Variants in ADAMTSL3 observed in about 807,000 individuals in gnomAD.
The protein encoded by ADAMTSL3 is ADAMTS-like protein 3.
ADAMTSL3 carries 128 observed loss-of-function variants against 201.7 expected under a neutral mutation model. The ratio of observed to expected loss-of-function variants is 0.63; its 90% CI spans 0.55 to 0.73. The LOEUF (loss-of-function observed/expected upper bound fraction) is 0.73. Among genes scored for constraint, ADAMTSL3 ranks in the 30% least tolerant of loss-of-function variants. The probability of loss-of-function intolerance (pLI) is 0.00; values close to 1 mark genes in which losing one functional copy is unlikely to be tolerated. For missense variants in ADAMTSL3, 1,990 were observed against 2,119.6 expected (o/e 0.94, Z 1.20); for synonymous variants, 738 against 748.4 (o/e 0.99, Z 0.23).
chr15:83,966,527 C>T (rs1330652763), intron 19 of ADAMTSL3, among the ~76,000 whole-genome samples: 6 of 152,140 alleles, frequency 3.9e-5, no homozygotes, highest in Admixed American at 1.3e-4. Flanking sequence ...GAAATTGAGA[C>T]AGTAATTAAT....
intron 17 of ADAMTSL3, among the ~76,000 whole-genome samples, chr15:83,939,104 C>T (rs2066510555): frequency 6.6e-6 from 1 of 152,152 alleles, no homozygotes. Flanking sequence ...CAAGGTTGAA[C>T]CAATTTTGCC....
At chr15:83,705,341 T>G (rs1021187339) in intron 3 of ADAMTSL3, among the ~76,000 whole-genome samples, 2 of 151,920 alleles carry the variant, frequency 1.3e-5, no homozygotes, top group African/African-American at 4.8e-5. Context: ...CCATGGTACG[T>G]GATAGAGTGG....
chr15:83,991,242 C>T, intron 23 of ADAMTSL3, 28 bp downstream of exon 23: 4 of 1,613,386 alleles, frequency 2.5e-6, no homozygotes, highest in Non-Finnish European at 3.4e-6. Flanking sequence ...AGTGGGAGGC[C>T]ATTTCAGTGG....
intron 27 of ADAMTSL3, 142 bp from the exon 28 acceptor site, chr15:84,031,193 C>G: frequency 1.3e-6 from 1 of 769,824 alleles, no homozygotes. Flanking sequence ...TACCCTAATC[C>G]TCTTTAACTC....
At chr15:83,799,980 C>T (rs2063491716) in intron 4 of ADAMTSL3, among the ~76,000 whole-genome samples, 1 of 152,134 alleles carries the variant, frequency 6.6e-6, no homozygotes, top group African/African-American at 2.4e-5. Flanking sequence ...ATGTCTGTTT[C>T]ATAAAGTAGT....
At chr15:83,700,977 T>C (rs1266075160) in intron 2 of ADAMTSL3, among the ~76,000 whole-genome samples, 1 of 152,206 alleles carries the variant, frequency 6.6e-6, no homozygotes, top group Non-Finnish European at 1.5e-5. Context: ...TAAAACACAG[T>C]ATTCAGAGGG....
At chr15:83,966,921 T>A (rs2067100515) in intron 19 of ADAMTSL3, among the ~76,000 whole-genome samples, 1 of 152,028 alleles carries the variant, frequency 6.6e-6, no homozygotes, top group Admixed American at 6.6e-5. Flanking sequence ...ACAGAACCAA[T>A]TACAAAAACC....
chr15:83,726,080 G>T (rs1475921020), intron 3 of ADAMTSL3, among the ~76,000 whole-genome samples: 1 of 151,868 alleles, frequency 6.6e-6, no homozygotes, highest in Non-Finnish European at 1.5e-5. Context: ...TTGCATCAAC[G>T]TTTCGTCGTT....
intron 3 of ADAMTSL3, among the ~76,000 whole-genome samples, chr15:83,732,704 A>C (rs1351809578): frequency 6.6e-6 from 1 of 152,160 alleles, no homozygotes; most frequent in Non-Finnish European, 1.5e-5. Context: ...TTAACATTTC[A>C]TGGAAATGGA....
chr15:83,825,886 C>A (rs1410720268), intron 6 of ADAMTSL3, among the ~76,000 whole-genome samples: 1 of 152,024 alleles, frequency 6.6e-6, no homozygotes, highest in African/African-American at 2.4e-5. Context: ...AGGTGGGAAA[C>A]CAATCATTAA....
Position 83,729,605 on chromosome 15 carries a change from A to C in ADAMTSL3, c.189+25097A>C, listed in dbSNP as rs568930338. On this transcript the variant is annotated intron_variant, in intron 3 of 29. Transcript: ENST00000286744. The stretch of plus-strand genomic sequence containing the variant: ...TCCAGAACTTCTGCTTGATTATTTT[A>C]AAATATGTCAATCTCTTTGTTAGTT... Among the ~76,000 whole-genome samples, 6 of 151,916 alleles carry C rather than the reference A, an allele frequency of 3.9e-5. No homozygotes were observed. In the East Asian group the frequency reaches 1.2e-3, roughly 30 times the overall value.
At chr15:83,823,893 C>T (rs7180643) in intron 6 of ADAMTSL3, among the ~76,000 whole-genome samples, 7,764 of 92,482 alleles carry the variant, frequency 0.084, 935 homozygotes, top group East Asian at 0.28. Context: ...CTTCTTCTTC[C>T]TCTTCTTCTT....
At chr15:83,747,182 TG>T (rs1232430415) in intron 3 of ADAMTSL3, among the ~76,000 whole-genome samples, 1 of 152,192 alleles carries the variant, frequency 6.6e-6, no homozygotes, top group African/African-American at 2.4e-5. Flanking sequence ...GCTGCCCTCT[TG>T]CTGCAAGTGT....
At chr15:83,755,759 A>ATT (rs993342178) in intron 3 of ADAMTSL3, among the ~76,000 whole-genome samples, 5 of 144,266 alleles carry the variant, frequency 3.5e-5, no homozygotes, top group South Asian at 2.2e-4. Context: ...CCTGCTTTCA[A>ATT]TTTTTTTTTT....
intron 3 of ADAMTSL3, among the ~76,000 whole-genome samples, chr15:83,747,885 C>T (rs2062572600): frequency 1.3e-5 from 2 of 151,192 alleles, no homozygotes; most frequent in Admixed American, 6.6e-5. Context: ...ACGAGGGCAG[C>T]TCAGGGTGGA....
chr15:83,890,038 G>C, intron 10 of ADAMTSL3, 71 bp from the exon 11 acceptor site: 1 of 1,508,146 alleles, frequency 6.6e-7, no homozygotes. Flanking sequence ...AAAGTGTGTG[G>C]CAAGTGATAA....
At chr15:83,844,288 A>G (rs138921649) in intron 7 of ADAMTSL3, among the ~76,000 whole-genome samples, 418 of 152,338 alleles carry the variant, frequency 2.7e-3, no homozygotes, top group Non-Finnish European at 4.8e-3. Context: ...CACAAATAGA[A>G]TCCTGGGCTA....
At chr15:83,717,642 T>G (rs751710408) in intron 3 of ADAMTSL3, 4 of 152,176 alleles carry the variant, frequency 2.6e-5, no homozygotes, top group Non-Finnish European at 5.9e-5. Context: ...TGCAAATATT[T>G]TATATATTTG....
Position 83,876,380 on chromosome 15 carries a change from G to C in ADAMTSL3, c.960+5421G>C, listed in dbSNP as rs374588248. The stretch of plus-strand genomic sequence containing the variant: ...ATTTACTTCTTTTATCTTTGTATGG[G>C]TTTATTTTGGTATTATATTTTCAGC... On this transcript the variant is annotated intron_variant, in intron 9 of 29. Transcript: ENST00000286744. 6.6e-5 allele frequency among the ~76,000 whole-genome samples: 10 copies of C among 151,594 alleles called. No homozygotes were observed. The East Asian group carries it at 1.6e-3, about 24-fold the overall frequency.
Sources: gnomAD v4.1 joint callset for allele counts (sites outside exome capture counted in the v4.1 genomes callset) on GRCh38, gnomAD v4.1.1 for gene constraint, MANE v1.5 for transcripts, NCBI Gene and HGNC (gene_info 2026-07-23, HGNC 2026-07-21) for gene names.